Variants in HSD17B3 observed in about 807,000 individuals in gnomAD.
HSD17B3 encodes the protein 17-beta-hydroxysteroid dehydrogenase type 3.
In HSD17B3, 29 loss-of-function variants were observed where a neutral mutation model predicts 41.1. The observed-to-expected ratio is 0.71, with a 90% CI of 0.53 to 0.96. The LOEUF is 0.96. Among genes scored for constraint, HSD17B3 ranks in the 40% least tolerant of loss-of-function variants. The probability of loss-of-function intolerance (pLI) is 0.00; values close to 1 mark genes in which losing one functional copy is unlikely to be tolerated. For missense variants in HSD17B3, 323 were observed against 374.6 expected, an observed-to-expected ratio of 0.86 and a Z score of 1.14; for synonymous variants, 126 against 145.6, an observed-to-expected ratio of 0.87 and a Z score of 0.97.
intron 2 of HSD17B3, among the ~76,000 whole-genome samples, chr9:96,286,086 G>A (rs1826907286): frequency 6.6e-6 from 1 of 152,216 alleles, no homozygotes; most frequent in Non-Finnish European, 1.5e-5. Flanking sequence ...GCTCATGCCT[G>A]TAATCCCAGC....
chr9:96,251,499 G>A lies in HSD17B3; in HGVS notation c.386-14C>T, dbSNP rs375769005. On this transcript the variant is annotated splice_polypyrimidine_tract_variant and intron_variant, in intron 4 of 10. Coordinates refer to ENST00000375263, the MANE Select transcript of HSD17B3 (RefSeq NM_000197.2). ...CGACATTGTTGACTGGCAGAAAGAAGCAAAACAAAAATGTGTCAGAAGATC... is the reference window on the plus strand; with the variant it reads ...CGACATTGTTGACTGGCAGAAAGAAACAAAACAAAAATGTGTCAGAAGATC... 4 of 1,612,736 alleles carry A rather than the reference G, an allele frequency of 2.5e-6. No individual in the cohort carries two copies. The highest frequency in any genetic ancestry group is 2.7e-5 in the African/African-American group (2 of 74,892).
At chr9:96,291,572 A>G (rs1372146253) in intron 2 of HSD17B3, among the ~76,000 whole-genome samples, 2 of 152,182 alleles carry the variant, frequency 1.3e-5, no homozygotes, top group African/African-American at 2.4e-5. Flanking sequence ...AAGAACCAAG[A>G]TCTTAATCTG....
intron 9 of HSD17B3, among the ~76,000 whole-genome samples, chr9:96,242,455 G>C (rs1031569688): frequency 6.6e-6 from 1 of 152,192 alleles, no homozygotes; most frequent in African/African-American, 2.4e-5. Context: ...GAGGCTCACA[G>C]AGTTTAAACA....
intron 6 of HSD17B3, among the ~76,000 whole-genome samples, chr9:96,248,181 A>G (rs1836748925): frequency 6.6e-6 from 1 of 152,220 alleles, no homozygotes; most frequent in African/African-American, 2.4e-5. Flanking sequence ...TGACAGTTAG[A>G]CATATAAAAC....
intron 2 of HSD17B3, among the ~76,000 whole-genome samples, chr9:96,285,403 C>T (rs1826879767): frequency 6.6e-6 from 1 of 152,132 alleles, no homozygotes. Context: ...TGATCTCTGA[C>T]TGCTGTTCAG....
At chr9:96,277,281 C>T (rs1003699960) in intron 2 of HSD17B3, among the ~76,000 whole-genome samples, 2 of 151,794 alleles carry the variant, frequency 1.3e-5, no homozygotes, top group African/African-American at 4.8e-5. Flanking sequence ...AAAAGGTAAC[C>T]TACAAAATGG....
intron 2 of HSD17B3, among the ~76,000 whole-genome samples, chr9:96,286,061 G>A (rs1302601223): frequency 1.3e-5 from 2 of 152,088 alleles, no homozygotes; most frequent in Non-Finnish European, 2.9e-5. Flanking sequence ...AAACAGGTTA[G>A]GGCCAGGTGC....
intron 2 of HSD17B3, among the ~76,000 whole-genome samples, chr9:96,265,951 T>C (rs986354176): frequency 6.6e-6 from 1 of 152,142 alleles, no homozygotes; most frequent in African/African-American, 2.4e-5. Flanking sequence ...AAACACAGAA[T>C]AGGGGCAGAT....
At chr9:96,300,384 A>C (rs1296205774) in intron 1 of HSD17B3, among the ~76,000 whole-genome samples, 1 of 103,514 alleles carries the variant, frequency 9.7e-6, no homozygotes, top group African/African-American at 3.3e-5. Context: ...AAGGATACAG[A>C]ATGCCCACTT....
chr9:96,261,776 G>T (rs1206143103), intron 2 of HSD17B3, among the ~76,000 whole-genome samples: 1 of 152,214 alleles, frequency 6.6e-6, no homozygotes, highest in Non-Finnish European at 1.5e-5. Flanking sequence ...CTACTCCTCA[G>T]ACTTGGGCAG....
At chr9:96,277,055 G>C (rs1826490011) in intron 2 of HSD17B3, among the ~76,000 whole-genome samples, 1 of 152,050 alleles carries the variant, frequency 6.6e-6, no homozygotes, top group South Asian at 2.1e-4. Context: ...CAAAAAATTA[G>C]CTGGGCGTGG....
In HSD17B3 at chr9:96,301,984, T is replaced by G. The variant is rs747173183; in HGVS notation, c.121A>C (p.Lys41Gln). Reference protein sequence around the residue: ...VLLNYWKVLPKSFLRSMGQWA... With the variant: ...VLLNYWKVLPQSFLRSMGQWA... ...TGTCCCATTGACCGCAAGAAAGACT[T>G]TGGCAAAACTTTCCAGTAGTTCAGT... Residue 41 changes from lysine (K) to glutamine (Q), a missense_variant, in exon 1 of 11, where the codon AAG becomes CAG. Transcript: ENST00000375263. 3 of 1,614,016 alleles carry G rather than the reference T, an allele frequency of 1.9e-6. No individual in the cohort carries two copies. The African/African-American group carries it at 4.0e-5, about 22-fold the overall frequency.
chr9:96,269,859 G>A (rs1042608712), intron 2 of HSD17B3, among the ~76,000 whole-genome samples: 13 of 148,722 alleles, frequency 8.7e-5, no homozygotes, highest in Non-Finnish European at 1.5e-4. Context: ...AGCCAAGATC[G>A]TGCCACTGCA....
intron 2 of HSD17B3, among the ~76,000 whole-genome samples, chr9:96,295,533 C>G (rs1244149692): frequency 6.6e-6 from 1 of 151,946 alleles, no homozygotes; most frequent in African/African-American, 2.4e-5. Context: ...CGGAGTTTCA[C>G]CATGTTGGCC....
intron 2 of HSD17B3, among the ~76,000 whole-genome samples, chr9:96,272,440 T>TATATATATATATAA (rs1826298330): frequency 1.0e-5 from 1 of 98,982 alleles, no homozygotes; most frequent in Non-Finnish European, 2.0e-5. Context: ...TATATATATA[T>TATATATATATATAA]ATATATAAAA....
chr9:96,272,372 C>CCTCTCTCTCTCTCTCTCTCT (rs1826275383), intron 2 of HSD17B3, among the ~76,000 whole-genome samples: 1 of 13,484 alleles, frequency 7.4e-5, no homozygotes, highest in Non-Finnish European at 1.5e-4. Flanking sequence ...AGTAAGACTG[C>CCTCTCTCTCTCTCTCTCTCT]ATCTCTCTCT....
At chr9:96,249,477 C>T (rs1428689763) in intron 6 of HSD17B3, 15 of 464,504 alleles carry the variant, frequency 3.2e-5, no homozygotes, top group Non-Finnish European at 5.0e-5. Context: ...ATCCTGAATA[C>T]GTTTCAGCAT....
chr9:96,260,662 G>A (rs934637263), intron 2 of HSD17B3, among the ~76,000 whole-genome samples: 8 of 152,128 alleles, frequency 5.3e-5, no homozygotes, highest in Non-Finnish European at 1.2e-4. Context: ...CTACTCAGGA[G>A]GCTGAGGCAA....
At chr9:96,281,573 C>G (rs531943641) in intron 2 of HSD17B3, among the ~76,000 whole-genome samples, 11 of 152,164 alleles carry the variant, frequency 7.2e-5, no homozygotes, top group Non-Finnish European at 1.5e-4. Context: ...CGTAAAGTCC[C>G]TCTTGGCTAA....
Sources: allele counts gnomAD v4.1 joint callset (sites outside exome capture counted in the v4.1 genomes callset), GRCh38; gene constraint gnomAD v4.1.1; transcripts MANE v1.5; gene names NCBI Gene and HGNC (gene_info 2026-07-23, HGNC 2026-07-21).